The following MSI2 variants were observed in gnomAD, a reference collection of about 807,000 sequenced individuals.
MSI2 encodes RNA-binding protein Musashi homolog 2.
Under a neutral mutation model 45.6 loss-of-function variants are expected in MSI2, and 17 were observed. The observed-to-expected ratio is 0.37, with a 90% CI of 0.26 to 0.56. MSI2 has a LOEUF of 0.56. MSI2 is among the 20% of genes least tolerant of loss of function. The probability of loss-of-function intolerance (pLI) is 0.77; values close to 1 mark genes in which losing one functional copy is unlikely to be tolerated. For missense variants in MSI2, 293 were observed against 444.2 expected (o/e 0.66, Z 3.06); for synonymous variants, 156 against 158.2 (o/e 0.99, Z 0.11).
chr17:57,265,872 C>T (rs1907722419), intron 5 of MSI2: 1 of 152,278 alleles, frequency 6.6e-6, no homozygotes, highest in African/African-American at 2.4e-5. Context: ...GGGGATCCAT[C>T]ACTCCCTGTT....
At chr17:57,645,571 G>A (rs1299734997) in intron 10 of MSI2, among the ~76,000 whole-genome samples, 4 of 151,654 alleles carry the variant, frequency 2.6e-5, no homozygotes, top group South Asian at 4.2e-4. Flanking sequence ...GAGCAGCTGG[G>A]ATTAAAGGTG....
chr17:57,562,670 T>TA lies in MSI2; in HGVS notation c.454+32953dup, dbSNP rs2087607129. Among the ~76,000 whole-genome samples, 4 of 152,298 alleles carry TA rather than the reference T, an allele frequency of 2.6e-5. No individual in the cohort carries two copies. In the South Asian group the frequency reaches 8.3e-4, roughly 32 times the overall value. On this transcript the variant is annotated intron_variant, in intron 7 of 13. Transcript: ENST00000284073. ...TACTTCTGTTTTCATTTCACCAACA[T>TA]AAAAAAATGTAGTCACTGCAAACAC...
In MSI2 at chr17:57,681,764, T is replaced by C. The variant is rs1598523248; in HGVS notation, c.*2247T>C. 1.6e-5 allele frequency: 3 copies of C among 189,578 alleles called. No individual in the cohort carries two copies. Among genetic ancestry groups the C allele is most frequent in the South Asian group, 3.9e-4 (2 of 5,134 alleles). The allele number at this position is 189,578 out of a possible 1,614,324, so 11.7% of individuals were successfully genotyped here. A position where few individuals can be genotyped will look rare whatever the true frequency, so the allele number is the denominator to read the frequency against. On this transcript the variant is annotated 3_prime_UTR_variant, in exon 14 of 14. Coordinates refer to ENST00000284073, the MANE Select transcript of MSI2 (RefSeq NM_138962.4). The stretch of plus-strand genomic sequence containing the variant: ...AACAACCAGATTAAATGCTGAGCGC[T>C]TTTAAAATATCAAAACTTGTTCAAG...
chr17:57,689,234 T>TTC (rs746323652), downstream of MSI2, among the ~76,000 whole-genome samples: 9 of 152,270 alleles, frequency 5.9e-5, no homozygotes, highest in Admixed American at 2.6e-4. Flanking sequence ...TAATAGTATG[T>TTC]TCTCTCTCTC....
At chr17:57,502,710 C>T (rs1467191516) in intron 6 of MSI2, among the ~76,000 whole-genome samples, 4 of 146,602 alleles carry the variant, frequency 2.7e-5, no homozygotes, top group Non-Finnish European at 4.5e-5. Flanking sequence ...TGGGTCACTA[C>T]TGTGATCAGA....
Position 57,547,741 on chromosome 17 carries a change from T to TACACACAC in MSI2, c.454+18058_454+18065dup, listed in dbSNP as rs34631177. ...GTTTAGTAGTTGCATAGACAAAAAGTACACACACACACACACACACACACA... is the reference window on the plus strand; with the variant it reads ...GTTTAGTAGTTGCATAGACAAAAAGTACACACACACACACACACACACACACACACACA... On this transcript the variant is annotated intron_variant, in intron 7 of 13. Coordinates refer to ENST00000284073, the MANE Select transcript of MSI2 (RefSeq NM_138962.4). Among the ~76,000 whole-genome samples the TACACACAC allele has an allele frequency of 4.9e-3, 606 of 123,402 alleles. 5 individuals are homozygous for TACACACAC. The highest frequency in any genetic ancestry group is 6.0e-3 in the South Asian group (21 of 3,516). The allele number at this position is 123,402 out of a possible 152,430, so 81.0% of individuals were successfully genotyped here. A position where few individuals can be genotyped will look rare whatever the true frequency, so the allele number is the denominator to read the frequency against.
chr17:57,675,570 G>GGCTGGGACCTGAGA (rs1913169521), intron 12 of MSI2, among the ~76,000 whole-genome samples: 1 of 152,156 alleles, frequency 6.6e-6, no homozygotes, highest in African/African-American at 2.4e-5. Flanking sequence ...CTGTCATGTG[G>GGCTGGGACCTGAGA]GCTGGGACCT....
rs1053835725 is a variant in MSI2 at position 57,416,388 on chromosome 17, A to G, written c.405+14917A>G. 3.7e-4 allele frequency among the ~76,000 whole-genome samples: 56 copies of G among 152,292 alleles called. 1 individual carries two copies. Among genetic ancestry groups the G allele is most frequent in the African/African-American group, 1.3e-3 (54 of 41,556 alleles). ...GGGGAGACTTCCACCCTCAATAAAT[A>G]TTTCTTGCATATGACTTGAATTAAA... On this transcript the variant is annotated intron_variant, in intron 6 of 13. Transcript: ENST00000284073.
intron 8 of MSI2, among the ~76,000 whole-genome samples, chr17:57,614,211 T>A (rs1907457373): frequency 6.6e-6 from 1 of 152,014 alleles, no homozygotes; most frequent in Non-Finnish European, 1.5e-5. Context: ...CCACCACACC[T>A]GGCTAATTTT....
Position 57,308,322 on chromosome 17 carries a change from A to G in MSI2, c.312+46130A>G, listed in dbSNP as rs1467553192. Among the ~76,000 whole-genome samples the G allele has an allele frequency of 4.6e-5, 7 of 152,356 alleles. No homozygotes were observed. In the East Asian group the frequency reaches 1.3e-3, roughly 29 times the overall value. On this transcript the variant is annotated intron_variant, in intron 5 of 13. Coordinates refer to ENST00000284073, the MANE Select transcript of MSI2 (RefSeq NM_138962.4). ...AGGAGATAATGGATAGAACATTCCT[A>G]GCACATAATAGGGGATCATAAGTGC...
intron 5 of MSI2, among the ~76,000 whole-genome samples, chr17:57,273,029 A>C (rs1908512729): frequency 6.6e-6 from 1 of 152,236 alleles, no homozygotes; most frequent in Non-Finnish European, 1.5e-5. Context: ...TACTTAATAA[A>C]AACTAACTAG....
At chr17:57,360,606 A>G (rs141830359) in intron 5 of MSI2, among the ~76,000 whole-genome samples, 10 of 152,372 alleles carry the variant, frequency 6.6e-5, no homozygotes, top group Admixed American at 3.9e-4. Flanking sequence ...GTGTGAACCC[A>G]TGAAGAGAAA....
chr17:57,605,458 C>T (rs1031692810), intron 8 of MSI2, among the ~76,000 whole-genome samples: 2 of 152,204 alleles, frequency 1.3e-5, no homozygotes, highest in African/African-American at 4.8e-5. Flanking sequence ...TCCTCAGTAT[C>T]TCAGCACCCA....
At chr17:57,598,029 T>A (rs920471651) in intron 8 of MSI2, among the ~76,000 whole-genome samples, 1 of 151,722 alleles carries the variant, frequency 6.6e-6, no homozygotes, top group African/African-American at 2.4e-5. Flanking sequence ...ATATCATGCA[T>A]AGCATTTGCA....
chr17:57,640,254 C>T (rs1910148750), intron 10 of MSI2, among the ~76,000 whole-genome samples: 1 of 152,208 alleles, frequency 6.6e-6, no homozygotes, highest in Middle Eastern at 3.2e-3. Context: ...CTGCTTCTCC[C>T]TGGCCCTCCG....
intron 5 of MSI2, among the ~76,000 whole-genome samples, chr17:57,273,502 C>T: frequency 8.9e-6 from 1 of 111,846 alleles, no homozygotes; most frequent in Non-Finnish European, 1.7e-5. Context: ...ATTCACACAA[C>T]TGCAGAACAG....
intron 6 of MSI2, among the ~76,000 whole-genome samples, chr17:57,440,023 G>A (rs2084767811): frequency 6.6e-6 from 1 of 152,156 alleles, no homozygotes; most frequent in African/African-American, 2.4e-5. Flanking sequence ...GTGAGGCTGA[G>A]TGATCTATCT....
chr17:57,551,460 C>A (rs1294660416), intron 7 of MSI2, among the ~76,000 whole-genome samples: 1 of 152,068 alleles, frequency 6.6e-6, no homozygotes, highest in Non-Finnish European at 1.5e-5. Flanking sequence ...GGCACACAGA[C>A]CGCCGTCTGG....
intron 6 of MSI2, among the ~76,000 whole-genome samples, chr17:57,404,202 G>C (rs1257275435): frequency 6.6e-6 from 1 of 152,094 alleles, no homozygotes; most frequent in Non-Finnish European, 1.5e-5. Flanking sequence ...TGATGGGATT[G>C]TCTCTTGGAC....
Sources: gnomAD v4.1 joint callset for allele counts (sites outside exome capture counted in the v4.1 genomes callset) on GRCh38, gnomAD v4.1.1 for gene constraint, MANE v1.5 for transcripts, NCBI Gene and HGNC (gene_info 2026-07-23, HGNC 2026-07-21) for gene names.